MRPL48: variants seen among roughly 807,000 people sequenced by gnomAD.
The protein encoded by MRPL48 is mitochondrial ribosomal protein L48, also known as large ribosomal subunit protein mL48.
Under a neutral mutation model 32.9 loss-of-function variants are expected in MRPL48, and 16 were observed. That is an observed-to-expected ratio of 0.49 (90% CI 0.33 to 0.74). MRPL48 has a LOEUF of 0.74. Ranked by LOEUF, MRPL48 falls within the 30% of genes least tolerant of loss-of-function variation. The pLI is 0.02. For synonymous variants in MRPL48, 94 were observed against 89.2 expected (o/e 1.05, Z -0.31); for missense variants, 206 against 245.3 (o/e 0.84, Z 1.07).
In MRPL48 at chr11:73,814,940, C is replaced by T. The variant is rs573918683; in HGVS notation, c.112+6590C>T. 4.0e-5 allele frequency among the ~76,000 whole-genome samples: 6 copies of T among 151,638 alleles called. No homozygotes were observed. In the South Asian group the frequency reaches 1.0e-3, roughly 26 times the overall value. ...CTGGGAGGCGGAGGTTGCAGTGAGC[C>T]GAGATGTCTTGCCACTGCACGTCAG... On this transcript the variant is annotated intron_variant, in intron 3 of 7. Coordinates refer to ENST00000310614, the MANE Select transcript of MRPL48 (RefSeq NM_016055.6).
chr11:73,840,530 C>G (rs560679121), intron 4 of MRPL48, among the ~76,000 whole-genome samples: 3 of 152,078 alleles, frequency 2.0e-5, no homozygotes, highest in Non-Finnish European at 4.4e-5. Flanking sequence ...GACGGAGTCT[C>G]GCTCTGTCAC....
intron 5 of MRPL48, among the ~76,000 whole-genome samples, chr11:73,852,247 G>A (rs1948406259): frequency 6.6e-6 from 1 of 152,060 alleles, no homozygotes; most frequent in East Asian, 1.9e-4. Flanking sequence ...GCTGTTCACT[G>A]GCAGCTTGTC....
intron 2 of MRPL48, among the ~76,000 whole-genome samples, chr11:73,807,478 G>A (rs1458054041): frequency 6.6e-6 from 1 of 150,704 alleles, no homozygotes; most frequent in Non-Finnish European, 1.5e-5. Context: ...TATTTGATAA[G>A]CACCTCCTAT....
intron 5 of MRPL48, chr11:73,851,091 G>A: frequency 2.0e-6 from 1 of 497,774 alleles, no homozygotes; most frequent in Non-Finnish European, 4.1e-6. Context: ...GAAGCTGTTA[G>A]AACCTTAGTG....
At chr11:73,809,844 C>G (rs569336975) in intron 3 of MRPL48, among the ~76,000 whole-genome samples, 2 of 152,336 alleles carry the variant, frequency 1.3e-5, no homozygotes, top group African/African-American at 4.8e-5. Flanking sequence ...TCAGTGCCTA[C>G]TGTGTGCAAG....
At chr11:73,817,351 T>C (rs890747058) in intron 3 of MRPL48, among the ~76,000 whole-genome samples, 2 of 152,188 alleles carry the variant, frequency 1.3e-5, no homozygotes, top group African/African-American at 2.4e-5. Flanking sequence ...TCTGATTACT[T>C]AGGGTACATT....
intron 3 of MRPL48, among the ~76,000 whole-genome samples, chr11:73,810,474 T>C (rs1947544993): frequency 6.6e-6 from 1 of 151,976 alleles, no homozygotes; most frequent in Admixed American, 6.6e-5. Flanking sequence ...TGAGCCGAGA[T>C]CGTGCCATTG....
chr11:73,809,495 C>CTCCG (rs1227330805), intron 3 of MRPL48, among the ~76,000 whole-genome samples: 1 of 141,000 alleles, frequency 7.1e-6, no homozygotes, highest in Non-Finnish European at 1.5e-5. Flanking sequence ...CAGAGCGAGA[C>CTCCG]TCCGTCTCAA....
chr11:73,803,874 C>G (rs1023685272), intron 1 of MRPL48, among the ~76,000 whole-genome samples: 1 of 151,966 alleles, frequency 6.6e-6, no homozygotes, highest in Admixed American at 6.6e-5. Context: ...GTTCTTACCT[C>G]CATTGTGAAG....
intron 1 of MRPL48, among the ~76,000 whole-genome samples, chr11:73,799,849 A>G (rs968422122): frequency 2.6e-5 from 4 of 152,206 alleles, no homozygotes; most frequent in Non-Finnish European, 5.9e-5. Flanking sequence ...TGTTTGGCAT[A>G]TAGCAGGTGC....
At chr11:73,800,676 A>G (rs915978351) in intron 1 of MRPL48, among the ~76,000 whole-genome samples, 1 of 152,124 alleles carries the variant, frequency 6.6e-6, no homozygotes, top group African/African-American at 2.4e-5. Context: ...CAGTCCCAAA[A>G]TAGATTACTT....
intron 3 of MRPL48, chr11:73,817,814 G>T: frequency 2.4e-6 from 1 of 408,194 alleles, no homozygotes; most frequent in Non-Finnish European, 4.9e-6. Context: ...TGTTGTTTTT[G>T]TTTTTGAGAG....
intron 3 of MRPL48, among the ~76,000 whole-genome samples, chr11:73,814,768 T>C (rs1009848092): frequency 6.6e-6 from 1 of 151,148 alleles, no homozygotes; most frequent in African/African-American, 2.4e-5. Flanking sequence ...CCGAGGCAGG[T>C]GGATCACTTG....
At chr11:73,803,928 A>T (rs1317337431) in intron 1 of MRPL48, among the ~76,000 whole-genome samples, 2 of 150,658 alleles carry the variant, frequency 1.3e-5, no homozygotes, top group Non-Finnish European at 3.0e-5. Flanking sequence ...TTATATTTTA[A>T]TTTTTTTTTG....
chr11:73,822,350 G>C (rs763659181), intron 3 of MRPL48, among the ~76,000 whole-genome samples: 2 of 152,114 alleles, frequency 1.3e-5, no homozygotes, highest in Non-Finnish European at 2.9e-5. Context: ...CATTGCTCAC[G>C]TGTCCATTAA....
intron 3 of MRPL48, chr11:73,822,938 G>C (rs923780159): frequency 1.1e-5 from 5 of 449,278 alleles, no homozygotes; most frequent in South Asian, 4.7e-5. Flanking sequence ...GCACATATGA[G>C]GGATCCAGGT....
intron 1 of MRPL48, among the ~76,000 whole-genome samples, chr11:73,799,917 A>G (rs569659040): frequency 6.6e-6 from 1 of 152,332 alleles, no homozygotes; most frequent in Admixed American, 6.5e-5. Context: ...CTTCATTAGT[A>G]TAAATTGGTA....
intron 5 of MRPL48, chr11:73,850,448 A>T (rs1294811313): frequency 9.5e-6 from 3 of 314,920 alleles, no homozygotes; most frequent in African/African-American, 2.2e-5. Context: ...TTTAAAAAAA[A>T]AATCTCTCTT....
chr11:73,834,777 T>A (rs943545046), intron 4 of MRPL48, among the ~76,000 whole-genome samples: 2 of 151,620 alleles, frequency 1.3e-5, no homozygotes, highest in Non-Finnish European at 2.9e-5. Flanking sequence ...TCAGGTGATC[T>A]GCCCGCCTCA....
Sources: allele counts gnomAD v4.1 joint callset (sites outside exome capture counted in the v4.1 genomes callset), GRCh38; gene constraint gnomAD v4.1.1; transcripts MANE v1.5; gene names NCBI Gene and HGNC (gene_info 2026-07-23, HGNC 2026-07-21).